Variants in MAF observed in about 807,000 individuals in gnomAD.
MAF encodes MAF bZIP transcription factor.
Under a neutral mutation model 22.0 loss-of-function variants are expected in MAF, and 10 were observed. The ratio of observed to expected loss-of-function variants is 0.45; its 90% CI spans 0.28 to 0.77. The LOEUF is 0.77. MAF is among the 30% of genes least tolerant of loss of function. The pLI, the probability that MAF is intolerant of heterozygous loss-of-function variation, is 0.12. For synonymous variants in MAF, 337 were observed against 255.8 expected (o/e 1.32, Z -3.03); for missense variants, 544 against 548.4 (o/e 0.99, Z 0.08).
At chr16:79,404,553 A>C in the MAF span, among the ~76,000 whole-genome samples, 1 of 152,142 alleles carries the variant, frequency 6.6e-6, no homozygotes. Context: ...TGAGACCTGC[A>C]CTTTACTTAC....
the MAF span, among the ~76,000 whole-genome samples, chr16:79,280,777 A>G: frequency 6.6e-6 from 1 of 152,170 alleles, no homozygotes; most frequent in African/African-American, 2.4e-5. Flanking sequence ...CTGTCACTAC[A>G]CTGCTCACCA....
the MAF span, among the ~76,000 whole-genome samples, chr16:79,376,502 G>C: frequency 2.0e-5 from 3 of 151,892 alleles, no homozygotes; most frequent in Admixed American, 6.6e-5. Context: ...GTTTAGTTGA[G>C]AATACATTAT....
At chr16:79,373,353 T>A in the MAF span, among the ~76,000 whole-genome samples, 1 of 128,710 alleles carries the variant, frequency 7.8e-6, no homozygotes, top group Non-Finnish European at 1.6e-5. Context: ...GGAGTGGGAC[T>A]GGTAGCTTTT....
At chr16:79,408,253 T>C in the MAF span, among the ~76,000 whole-genome samples, 1 of 152,078 alleles carries the variant, frequency 6.6e-6, no homozygotes, top group Non-Finnish European at 1.5e-5. Flanking sequence ...CTCGGCTTGC[T>C]GCAACTGCCA....
At chr16:79,219,427 T>A in the MAF span, among the ~76,000 whole-genome samples, 1 of 151,960 alleles carries the variant, frequency 6.6e-6, no homozygotes, top group African/African-American at 2.4e-5. Context: ...GGCGGGCGCC[T>A]GTAGTCCCAG....
the MAF span, among the ~76,000 whole-genome samples, chr16:79,276,525 A>C: frequency 1.7e-4 from 26 of 152,312 alleles, no homozygotes; most frequent in African/African-American, 6.3e-4. Context: ...AACATAAAAG[A>C]AACTTTTAAA....
chr16:79,283,073 AG>A, the MAF span, among the ~76,000 whole-genome samples: 2 of 152,200 alleles, frequency 1.3e-5, no homozygotes, highest in African/African-American at 4.8e-5. Context: ...GGTGGGGAAT[AG>A]GGAATGTTTC....
At position 79,594,011 on chromosome 16, in the gene MAF, G is replaced by C. The variant is rs554423737; in HGVS notation, c.*449C>G. 7.1e-5 allele frequency: 16 copies of C among 226,338 alleles called. No individual in the cohort carries two copies. Among genetic ancestry groups the C allele is most frequent in the Admixed American group, 2.6e-4 (5 of 19,438 alleles). The allele number at this position is 226,338 out of a possible 1,614,324, so 14.0% of individuals were successfully genotyped here. On this transcript the variant is annotated 3_prime_UTR_variant, in exon 2 of 2. Coordinates refer to ENST00000326043, the MANE Select transcript of MAF (RefSeq NM_005360.5). Reference sequence around the variant, plus strand: ...CCGTGGATTTGTTTAGGGAAGGGGAGTCGAATATCTATTTTTCTTCTTAGT... The same window carrying C: ...CCGTGGATTTGTTTAGGGAAGGGGACTCGAATATCTATTTTTCTTCTTAGT...
the MAF span, among the ~76,000 whole-genome samples, chr16:79,214,580 T>C: frequency 6.6e-6 from 1 of 151,454 alleles, no homozygotes; most frequent in African/African-American, 2.4e-5. Flanking sequence ...TAATTTTTCA[T>C]ATTTTAAGTA....
the MAF span, among the ~76,000 whole-genome samples, chr16:79,579,314 G>C: frequency 2.3e-4 from 35 of 152,244 alleles, no homozygotes; most frequent in African/African-American, 8.2e-4. Context: ...GTTAGAAAAA[G>C]TCACAGTTTC....
At chr16:79,580,492 C>T in the MAF span, among the ~76,000 whole-genome samples, 10 of 152,226 alleles carry the variant, frequency 6.6e-5, 1 homozygote, top group Admixed American at 3.9e-4. Flanking sequence ...TCTGTGGTTC[C>T]GCTGGATTAG....
chr16:79,223,540 C>CA, the MAF span, among the ~76,000 whole-genome samples: 1,767 of 152,122 alleles, frequency 0.012, 12 homozygotes, highest in Non-Finnish European at 0.018. Context: ...GATAGAGACA[C>CA]AAAAAACCCT....
At chr16:79,309,657 T>C in the MAF span, among the ~76,000 whole-genome samples, 4 of 152,298 alleles carry the variant, frequency 2.6e-5, no homozygotes, top group African/African-American at 9.6e-5. Context: ...TGAGTCCCCA[T>C]CCACAGAGGG....
the MAF span, among the ~76,000 whole-genome samples, chr16:79,231,557 T>A: frequency 4.2e-4 from 64 of 152,172 alleles, 2 homozygotes; most frequent in Admixed American, 4.2e-3. Context: ...TGTCTAGTTA[T>A]CAGGTATCTA....
the MAF span, among the ~76,000 whole-genome samples, chr16:79,385,257 C>G: frequency 6.6e-6 from 1 of 152,132 alleles, no homozygotes. Flanking sequence ...GCTAACTTGC[C>G]AATATGTATG....
the MAF span, among the ~76,000 whole-genome samples, chr16:79,530,972 C>T: frequency 1.1e-4 from 16 of 152,144 alleles, no homozygotes; most frequent in Non-Finnish European, 2.2e-4. Context: ...GGGAAGGAAA[C>T]CAGGAGACTT....
the MAF span, among the ~76,000 whole-genome samples, chr16:79,456,242 C>T: frequency 2.6e-5 from 4 of 152,070 alleles, no homozygotes; most frequent in Admixed American, 6.6e-5. Flanking sequence ...CAGAAAACTT[C>T]CCCACAGGAT....
the MAF span, among the ~76,000 whole-genome samples, chr16:79,376,442 AG>A: frequency 1.3e-5 from 2 of 152,104 alleles, no homozygotes; most frequent in Non-Finnish European, 2.9e-5. Flanking sequence ...CCTAGATATA[AG>A]CCCCCATAGA....
chr16:79,372,447 G>T, the MAF span, among the ~76,000 whole-genome samples: 2 of 152,154 alleles, frequency 1.3e-5, no homozygotes, highest in Admixed American at 6.5e-5. Context: ...TCGACAAAAG[G>T]CCAAATTTTC....
Sources: allele counts gnomAD v4.1 joint callset (sites outside exome capture counted in the v4.1 genomes callset), GRCh38; gene constraint gnomAD v4.1.1; transcripts MANE v1.5; gene names NCBI Gene and HGNC (gene_info 2026-07-23, HGNC 2026-07-21).